DIP2B: variants seen among roughly 807,000 people sequenced by gnomAD.
The protein encoded by DIP2B is disco-interacting protein 2 homolog B.
A neutral mutation model predicts 198.0 loss-of-function variants in DIP2B; 76 were observed. The ratio of observed to expected loss-of-function variants is 0.38; its 90% CI spans 0.32 to 0.46. The LOEUF (loss-of-function observed/expected upper bound fraction) is 0.46. Ranked by LOEUF, DIP2B falls within the 20% of genes least tolerant of loss-of-function variation. The pLI is 0.99. For missense variants in DIP2B, 1,559 were observed against 1,978.4 expected, an observed-to-expected ratio of 0.79 and a Z score of 4.02; for synonymous variants, 701 against 739.1, an observed-to-expected ratio of 0.95 and a Z score of 0.84.
intron 1 of DIP2B, among the ~76,000 whole-genome samples, chr12:50,543,608 G>A (rs1030132049): frequency 6.6e-6 from 1 of 150,906 alleles, no homozygotes; most frequent in African/African-American, 2.4e-5. Context: ...TTCAAAAATA[G>A]CTTTTCCCTC....
intron 3 of DIP2B, among the ~76,000 whole-genome samples, chr12:50,650,688 G>A (rs1938437811): frequency 6.6e-6 from 1 of 152,086 alleles, no homozygotes; most frequent in Non-Finnish European, 1.5e-5. Flanking sequence ...TATATACCAT[G>A]TTTTACTTAC....
At chr12:50,633,397 C>T (rs995087728) in intron 2 of DIP2B, 2 of 152,104 alleles carry the variant, frequency 1.3e-5, no homozygotes, top group African/African-American at 4.8e-5. Flanking sequence ...ACCTGAGTAA[C>T]ATGTCATTGT....
chr12:50,709,476 C>CAA (rs1185311736), intron 22 of DIP2B, among the ~76,000 whole-genome samples: 3 of 142,606 alleles, frequency 2.1e-5, no homozygotes, highest in African/African-American at 2.6e-5. Flanking sequence ...ACTAAAAATA[C>CAA]AAAAAAAAAA....
intron 28 of DIP2B, among the ~76,000 whole-genome samples, chr12:50,726,127 TTA>T (rs1939928795): frequency 1.3e-5 from 2 of 152,260 alleles, no homozygotes; most frequent in African/African-American, 4.8e-5. Flanking sequence ...GTCAAAGGTG[TTA>T]GTCTTTCATT....
intron 19 of DIP2B, among the ~76,000 whole-genome samples, chr12:50,703,802 T>G (rs1401879025): frequency 6.6e-6 from 1 of 151,944 alleles, no homozygotes; most frequent in African/African-American, 2.4e-5. Flanking sequence ...CTAAGTCAAC[T>G]CTTACTAACT....
chr12:50,538,213 C>G (rs1265391445), intron 1 of DIP2B, among the ~76,000 whole-genome samples: 1 of 151,956 alleles, frequency 6.6e-6, no homozygotes, highest in African/African-American at 2.4e-5. Context: ...TTCTCTCCTT[C>G]TCTAATAAGA....
chr12:50,699,559 G>A (rs950595654), intron 19 of DIP2B, among the ~76,000 whole-genome samples: 2 of 152,164 alleles, frequency 1.3e-5, no homozygotes, highest in Non-Finnish European at 2.9e-5. Flanking sequence ...GGTAAGATGA[G>A]CTGGGCATGG....
chr12:50,603,555 A>G (rs1349777050), intron 1 of DIP2B, among the ~76,000 whole-genome samples: 1 of 152,026 alleles, frequency 6.6e-6, no homozygotes, highest in Non-Finnish European at 1.5e-5. Context: ...CCTGGGCGAC[A>G]TGGTGAAATC....
chr12:50,599,677 G>A (rs970465131), intron 1 of DIP2B, among the ~76,000 whole-genome samples: 1 of 152,122 alleles, frequency 6.6e-6, no homozygotes, highest in Admixed American at 6.5e-5. Flanking sequence ...TCCCCTGAAG[G>A]GATGGTCTGA....
At chr12:50,544,600 C>T (rs1209524583) in intron 1 of DIP2B, among the ~76,000 whole-genome samples, 4 of 151,258 alleles carry the variant, frequency 2.6e-5, no homozygotes, top group African/African-American at 9.7e-5. Flanking sequence ...GCCACTGCAC[C>T]TGGCCTCAGA....
At chr12:50,583,613 T>A (rs549462625) in intron 1 of DIP2B, among the ~76,000 whole-genome samples, 2 of 152,364 alleles carry the variant, frequency 1.3e-5, no homozygotes, top group Admixed American at 1.3e-4. Flanking sequence ...GGTAACGTAC[T>A]GATAAACCCA....
intron 2 of DIP2B, among the ~76,000 whole-genome samples, chr12:50,628,480 T>G (rs1432452730): frequency 6.6e-6 from 1 of 152,242 alleles, no homozygotes; most frequent in African/African-American, 2.4e-5. Flanking sequence ...TTCTAAATGC[T>G]GTAATAAAGA....
chr12:50,651,412 G>A (rs143269253), intron 3 of DIP2B, among the ~76,000 whole-genome samples: 26 of 152,286 alleles, frequency 1.7e-4, no homozygotes, highest in African/African-American at 6.0e-4. Context: ...CAAATCCAAT[G>A]TCATGAAGTT....
chr12:50,632,709 G>T (rs1938083027), intron 2 of DIP2B, among the ~76,000 whole-genome samples: 1 of 150,926 alleles, frequency 6.6e-6, no homozygotes, highest in Non-Finnish European at 1.5e-5. Flanking sequence ...GCTAATTTTT[G>T]TATTTTCAGT....
In DIP2B at chr12:50,747,855, A is replaced by T. The variant is rs1256503051; in HGVS notation, c.*3016A>T. 6.6e-6 allele frequency: 1 copy of T among 152,510 alleles called. No homozygotes were observed. Among genetic ancestry groups the T allele is most frequent in the South Asian group, 2.1e-4 (1 of 4,832 alleles). 9.4% of individuals were successfully genotyped at this position (152,510 alleles called of 1,614,324 possible). ...GATCAGGAAGGGGCTGCCTCAGGAA[A>T]ATTCCTAGATCCTAGGAATTCAGTG... On this transcript the variant is annotated 3_prime_UTR_variant, in exon 38 of 38. Transcript: ENST00000301180.
chr12:50,579,727 T>C (rs1958706200), intron 1 of DIP2B, among the ~76,000 whole-genome samples: 5 of 118,760 alleles, frequency 4.2e-5, no homozygotes, highest in African/African-American at 6.2e-5. Flanking sequence ...ATACATAGCT[T>C]CATGGACCCC....
chr12:50,557,629 G>T (rs1958482979), intron 1 of DIP2B, among the ~76,000 whole-genome samples: 3 of 152,200 alleles, frequency 2.0e-5, no homozygotes, highest in African/African-American at 7.2e-5. Context: ...TATTGCCTGA[G>T]GGATCTGCTG....
In DIP2B at chr12:50,744,876, A is replaced by C. The variant is rs890610319; in HGVS notation, c.*37A>C. ...GGGACTGCAGTGGGCCATTCTGAAG[A>C]ATCACAAAGACAGAAGACCTCTGGC... On this transcript the variant is annotated 3_prime_UTR_variant, in exon 38 of 38. Transcript: ENST00000301180. 6.2e-7 allele frequency: 1 copy of C among 1,605,336 alleles called. No individual in the cohort carries two copies.
At chr12:50,609,835 G>A (rs151326897) in intron 1 of DIP2B, among the ~76,000 whole-genome samples, 33 of 152,090 alleles carry the variant, frequency 2.2e-4, no homozygotes, top group African/African-American at 7.0e-4. Context: ...TTTCTTTTAC[G>A]CTTGGCTTTT....
Sources: gnomAD v4.1 joint callset for allele counts (sites outside exome capture counted in the v4.1 genomes callset) on GRCh38, gnomAD v4.1.1 for gene constraint, MANE v1.5 for transcripts, NCBI Gene and HGNC (gene_info 2026-07-23, HGNC 2026-07-21) for gene names.